TBX3: variants seen among roughly 807,000 people sequenced by gnomAD.
TBX3 encodes T-box transcription factor TBX3.
A neutral mutation model predicts 47.8 loss-of-function variants in TBX3; 11 were observed. The ratio of observed to expected loss-of-function variants is 0.23; its 90% CI spans 0.14 to 0.38. The LOEUF is 0.38. TBX3 is among the 10% of genes least tolerant of loss of function. TBX3 has a pLI of 1.00. For missense variants in TBX3, 927 were observed against 1,022.8 expected (o/e 0.91, Z 1.28); for synonymous variants, 500 against 449.3 (o/e 1.11, Z -1.43).
rs2121159608 is a variant in TBX3 at position 114,683,020 on chromosome 12, C to T, written c.181G>A (p.Ala61Thr). 1 of 1,610,686 alleles carries T rather than the reference C, an allele frequency of 6.2e-7. No homozygotes were observed. The highest frequency in any genetic ancestry group is 8.5e-7 in the Non-Finnish European group (1 of 1,177,882). The change falls in exon 1 of 7, where the codon GCC becomes ACC. Residue 61 changes from alanine (A) to threonine (T), a missense_variant. Ala to Thr is a moderately conservative substitution (Grantham distance 58). Around this residue, in one of 5 missense-constraint regions of TBX3, gnomAD observed 216 missense variants for 281.2 expected, o/e 0.77. Transcript: ENST00000349155. The surrounding 1 kb of genome is among the most constrained non-coding windows in gnomAD (Gnocchi z 7.7). ...AAALSLPGAL[A>T]KPIMDQLVGA... ...ACCAATTGATCCATGATCGGCTTGG[C>T]CAGGGCGCCCGGCAGCGAGAGCGCC...
chr12:114,681,530 A>G (rs1868926473), intron 1 of TBX3, among the ~76,000 whole-genome samples: 1 of 152,190 alleles, frequency 6.6e-6, no homozygotes, highest in South Asian at 2.1e-4. Context: ...TTGGGGTAAG[A>G]TTTTTGTAAA....
chr12:114,671,100 C>T lies in TBX3; in HGVS notation c.*741G>A, dbSNP rs865813202. 9.5e-6 allele frequency: 2 copies of T among 210,988 alleles called. No homozygotes were observed. Among genetic ancestry groups the T allele is most frequent in the African/African-American group, 4.5e-5 (2 of 44,156 alleles). The allele number at this position is 210,988 out of a possible 1,614,324, so 13.1% of individuals were successfully genotyped here. A position where few individuals can be genotyped will look rare whatever the true frequency, so the allele number is the denominator to read the frequency against. Reference sequence around the variant, plus strand: ...CTCCTTCCCTTTAAATCCCCCCCTCCCTTGGGTCACTGATTTGAGGGCAAA... The same window carrying T: ...CTCCTTCCCTTTAAATCCCCCCCTCTCTTGGGTCACTGATTTGAGGGCAAA... On this transcript the variant is annotated 3_prime_UTR_variant, in exon 7 of 7. Coordinates refer to ENST00000349155, the MANE Select transcript of TBX3 (RefSeq NM_005996.4).
rs1423060794 is a variant in TBX3, at chr12:114,680,728, A to G, written c.657+151T>C. The G allele has an allele frequency of 2.1e-5, 24 of 1,165,450 alleles. No homozygotes were observed. The Admixed American group carries it at 4.3e-4, about 21-fold the overall frequency. 72.2% of individuals were successfully genotyped at this position (1,165,450 alleles called of 1,614,324 possible). ...GGCCTTCCATTATTTGGAGAGAAACACCCCGAATCCTTTTTCCAGACGAGG... is the reference window on the plus strand; with the variant it reads ...GGCCTTCCATTATTTGGAGAGAAACGCCCCGAATCCTTTTTCCAGACGAGG... On this transcript the variant is annotated intron_variant, in intron 2 of 6. Transcript: ENST00000349155.
rs1868840212 is a variant in TBX3 at position 114,679,531 on chromosome 12, C to T, written c.778G>A (p.Ala260Thr). 1.9e-6 allele frequency: 3 copies of T among 1,613,996 alleles called. No individual in the cohort carries two copies. The highest frequency in any genetic ancestry group is 1.3e-5 in the African/African-American group (1 of 74,882). The change falls in exon 3 of 7, where the codon GCT becomes ACT. Residue 260 changes from alanine (A) to threonine (T), a missense_variant. By Grantham distance (58) the Ala-to-Thr change is moderately conservative (BLOSUM62 0). This residue lies in a region of TBX3 where 38 missense variants were observed against 77.7 expected (regional missense o/e 0.49). Coordinates refer to ENST00000349155, the MANE Select transcript of TBX3 (RefSeq NM_005996.4). ...TYLFPETEFIAVTAYQNDKIT... is the reference protein window; with the variant it reads ...TYLFPETEFITVTAYQNDKIT... ...TTATCATTCTGGTATGCAGTCACAG[C>T]GATGAATTCAGTTTCGGGGAACAAG...
intron 1 of TBX3, among the ~76,000 whole-genome samples, chr12:114,681,904 G>A (rs1165357225): frequency 1.3e-5 from 2 of 152,222 alleles, no homozygotes; most frequent in Non-Finnish European, 2.9e-5. Flanking sequence ...TAAATGTCTT[G>A]TGAGTTTGAG....
In TBX3 at chr12:114,671,452, C is replaced by A; in HGVS notation, c.*389G>T. On this transcript the variant is annotated 3_prime_UTR_variant, in exon 7 of 7. Transcript: ENST00000349155. Reference sequence around the variant, plus strand: ...TTTTGAAAGATTTTGTTTTTGTTTCCACTTGACACAGTGAAGGAAAAATAT... The same window carrying A: ...TTTTGAAAGATTTTGTTTTTGTTTCAACTTGACACAGTGAAGGAAAAATAT... 1 of 297,690 alleles carries A rather than the reference C, an allele frequency of 3.4e-6. No individual in the cohort carries two copies. Among genetic ancestry groups the A allele is most frequent in the Non-Finnish European group, 6.3e-6 (1 of 158,874 alleles). 18.4% of individuals were successfully genotyped at this position (297,690 alleles called of 1,614,324 possible).
chr12:114,672,015 C>T lies in TBX3; in HGVS notation c.1998G>A (p.Val666=), dbSNP rs1405613096. ...ALAASPASVA[V]DSGSELNSRS... ...GGCTGTTGAGTTCAGAGCCCGAGTC[C>T]ACTGCCACCGAGGCCGGGCTGGCGG... The change falls in exon 7 of 7, where the codon GTG becomes GTA. Residue 666 remains valine (V), a synonymous_variant. Coordinates refer to ENST00000349155, the MANE Select transcript of TBX3 (RefSeq NM_005996.4). The T allele has an allele frequency of 6.3e-7, 1 of 1,595,478 alleles. No homozygotes were observed. The highest frequency in any genetic ancestry group is 1.3e-5 in the African/African-American group (1 of 74,680).
In TBX3 at chr12:114,683,977, G is replaced by A. The variant is rs769888620; in HGVS notation, c.-777C>T. 4.3e-6 allele frequency: 1 copy of A among 230,384 alleles called. No individual in the cohort carries two copies. The highest frequency in any genetic ancestry group is 8.6e-6 in the Non-Finnish European group (1 of 116,418). 14.3% of individuals were successfully genotyped at this position (230,384 alleles called of 1,614,324 possible). ...CTCTCTCTCTTCCTTGTCCTAAAAC[G>A]TGAGCGAATTCGCTTCCTAAATCTG... On this transcript the variant is annotated 5_prime_UTR_variant, in exon 1 of 7. The change creates a new upstream start codon in the 5' untranslated region. Transcript: ENST00000349155. The surrounding 1 kb of genome is among the most constrained non-coding windows in gnomAD (Gnocchi z 7.7).
At position 114,671,683 on chromosome 12, in the gene TBX3, C is replaced by T; in HGVS notation, c.*158G>A. On this transcript the variant is annotated 3_prime_UTR_variant, in exon 7 of 7. Transcript: ENST00000349155. Reference sequence around the variant, plus strand: ...ACCACGCCAAGAAGACAGGGGCTGTCTCTAGCACATTCTCTCGAGGGAGTC... The same window carrying T: ...ACCACGCCAAGAAGACAGGGGCTGTTTCTAGCACATTCTCTCGAGGGAGTC... 2 of 875,536 alleles carry T rather than the reference C, an allele frequency of 2.3e-6. No individual in the cohort carries two copies. Among genetic ancestry groups the T allele is most frequent in the South Asian group, 1.5e-5 (1 of 66,622 alleles). The allele number at this position is 875,536 out of a possible 1,614,324, so 54.2% of individuals were successfully genotyped here. A position where few individuals can be genotyped will look rare whatever the true frequency, so the allele number is the denominator to read the frequency against.
chr12:114,679,702 C>G (rs746402140), intron 2 of TBX3, 51 bp from the exon 3 acceptor site: 2 of 1,613,170 alleles, frequency 1.2e-6, no homozygotes, highest in African/African-American at 2.7e-5. Flanking sequence ...TTTAGCAGAA[C>G]AAACGGGATC....
intron 3 of TBX3, among the ~76,000 whole-genome samples, chr12:114,678,523 G>A (rs897628313): frequency 2.0e-5 from 3 of 152,194 alleles, no homozygotes; most frequent in Non-Finnish European, 4.4e-5. Flanking sequence ...GGTTTCACAG[G>A]GAGAGAAGAT....
chr12:114,671,838 G>C lies in TBX3; in HGVS notation c.*3C>G, dbSNP rs898851583. 1.9e-6 allele frequency: 3 copies of C among 1,553,684 alleles called. No individual in the cohort carries two copies. Among genetic ancestry groups the C allele is most frequent in the African/African-American group, 2.7e-5 (2 of 73,290 alleles). ...GGAATGAAAAGACGTGTCTGGGACG[G>C]GTCTACGGGGACGCGCTGCGGGACC... On this transcript the variant is annotated 3_prime_UTR_variant, in exon 7 of 7. Transcript: ENST00000349155.
intron 6 of TBX3, among the ~76,000 whole-genome samples, chr12:114,673,680 T>G (rs929389617): frequency 2.6e-5 from 4 of 152,146 alleles, no homozygotes; most frequent in Admixed American, 2.6e-4. Context: ...GCTCTGAAGC[T>G]AAAATCAGAA....
chr12:114,676,394 A>G lies in TBX3; in HGVS notation c.958T>C (p.Ser320Pro), dbSNP rs1730618844. Residue 320 changes from serine to proline, a missense_variant, in exon 5 of 7, where the codon TCC (serine) becomes CCC (proline). Transcript: ENST00000349155. ...CAGTTGAAAGCTGCTTGTTCACTGG[A>G]GGACTCATCAGAGGTCCCATTCTCC... ...KKENGTSDES[S>P]SEQAAFNCFA... 6.2e-7 allele frequency: 1 copy of G among 1,614,112 alleles called. No individual in the cohort carries two copies. The highest frequency in any genetic ancestry group is 1.7e-5 in the Admixed American group (1 of 60,014).
At position 114,683,330 on chromosome 12, in the gene TBX3, GAAAAA is replaced by G; in HGVS notation, c.-135_-131del. ...GGGAAAAAGCAAAACAAAAAAGAAA[GAAAAA>G]AGAAAAGGAGGCAGAAATCACAACT... On this transcript the variant is annotated 5_prime_UTR_variant, in exon 1 of 7. Coordinates refer to ENST00000349155, the MANE Select transcript of TBX3 (RefSeq NM_005996.4). This position sits in a 1 kb window ranked among gnomAD's most constrained non-coding sequence, Gnocchi z 7.7. 7.8e-7 allele frequency: 1 copy of G among 1,283,848 alleles called. No individual in the cohort carries two copies. The highest frequency in any genetic ancestry group is 2.5e-5 in the East Asian group (1 of 39,822). 79.5% of individuals were successfully genotyped at this position (1,283,848 alleles called of 1,614,324 possible). A position where few individuals can be genotyped will look rare whatever the true frequency, so the allele number is the denominator to read the frequency against.
At chr12:114,673,404 G>T (rs1001248638) in intron 6 of TBX3, among the ~76,000 whole-genome samples, 13 of 152,212 alleles carry the variant, frequency 8.5e-5, no homozygotes, top group African/African-American at 3.1e-4. Context: ...ACAGCTGTCT[G>T]AGCCACACAC....
chr12:114,682,734 C>G (rs1868991999), intron 1 of TBX3, 78 bp downstream of exon 1: 3 of 1,608,216 alleles, frequency 1.9e-6, no homozygotes, highest in South Asian at 2.2e-5. Flanking sequence ...ACCGACCAAC[C>G]GACTGTTCTG....
intron 1 of TBX3, 90 bp downstream of exon 1, chr12:114,682,722 T>C: frequency 6.9e-6 from 11 of 1,600,534 alleles, no homozygotes; most frequent in Non-Finnish European, 9.4e-6. Context: ...CAAGCCGTAA[T>C]AACCGACCAA....
chr12:114,680,065 CCTGAAAGG>C, intron 2 of TBX3: 1 of 1,314,286 alleles, frequency 7.6e-7, no homozygotes, highest in Non-Finnish European at 1.1e-6. Flanking sequence ...CACTTAAAGC[CCTGAAAGG>C]CTGAACTCTA....
Sources: allele counts gnomAD v4.1 joint callset (sites outside exome capture counted in the v4.1 genomes callset), GRCh38; gene constraint gnomAD v4.1.1; regional missense constraint gnomAD v4.1.1; non-coding constraint Gnocchi (gnomAD v3.1); transcripts MANE v1.5; gene names NCBI Gene and HGNC (gene_info 2026-07-23, HGNC 2026-07-21).